Variants in PLEKHA6 observed in about 807,000 individuals in gnomAD.
PLEKHA6 encodes pleckstrin homology domain-containing family A member 6.
A neutral mutation model predicts 116.7 loss-of-function variants in PLEKHA6; 60 were observed. The ratio of observed to expected loss-of-function variants is 0.51; its 90% CI spans 0.42 to 0.64. The LOEUF is 0.64. Among genes scored for constraint, PLEKHA6 ranks in the 30% least tolerant of loss-of-function variants. The pLI, the probability that PLEKHA6 is intolerant of heterozygous loss-of-function variation, is 0.00. For synonymous variants in PLEKHA6, 489 were observed against 556.1 expected, an observed-to-expected ratio of 0.88 and a Z score of 1.70; for missense variants, 1,338 against 1,422.7, an observed-to-expected ratio of 0.94 and a Z score of 0.96.
chr1:204,227,264 C>A (rs776341942), intron 21 of PLEKHA6, among the ~76,000 whole-genome samples: 4 of 152,170 alleles, frequency 2.6e-5, no homozygotes, highest in Non-Finnish European at 4.4e-5. Flanking sequence ...TTAACTGTGG[C>A]CTTCAAAGCT....
rs1212402780 is a variant in PLEKHA6 at position 204,261,950 on chromosome 1, G to A, written c.382-502C>T. 1 of 172,074 alleles carries A rather than the reference G, an allele frequency of 5.8e-6. No individual in the cohort carries two copies. The highest frequency in any genetic ancestry group is 1.2e-5 in the Non-Finnish European group (1 of 81,278). 10.7% of individuals were successfully genotyped at this position (172,074 alleles called of 1,614,324 possible). ...AAAGCAGGCACTGGCATACAGATGG[G>A]GCACACTACCTAGTTGGTGGCTGCG... On this transcript the variant is annotated intron_variant, in intron 6 of 22. Transcript: ENST00000272203. The surrounding 1 kb of genome is among the most constrained non-coding windows in gnomAD (Gnocchi z 4.0).
chr1:204,375,454 G>T (rs1049869382), intron 1 of PLEKHA6, among the ~76,000 whole-genome samples: 16 of 152,070 alleles, frequency 1.1e-4, no homozygotes, highest in Admixed American at 8.5e-4. Flanking sequence ...AGCATTAGAA[G>T]AATATTCCTG....
intron 9 of PLEKHA6, among the ~76,000 whole-genome samples, chr1:204,253,216 A>T (rs776845450): frequency 6.6e-6 from 1 of 152,130 alleles, no homozygotes; most frequent in African/African-American, 2.4e-5. Context: ...CCCCTGCTTG[A>T]TTCTCCCAAT....
At chr1:204,347,130 C>T in intron 1 of PLEKHA6, 1 of 1,125,138 alleles carries the variant, frequency 8.9e-7, no homozygotes, top group South Asian at 1.2e-5. Flanking sequence ...TACCCATTCC[C>T]TTGATGTCTA....
intron 1 of PLEKHA6, among the ~76,000 whole-genome samples, chr1:204,296,885 A>C (rs1018183666): frequency 6.6e-6 from 1 of 152,172 alleles, no homozygotes; most frequent in Non-Finnish European, 1.5e-5. Context: ...GAGAGCGTGG[A>C]CGGAAATGAG....
chr1:204,353,641 A>G (rs1251535714), intron 1 of PLEKHA6, among the ~76,000 whole-genome samples: 1 of 152,050 alleles, frequency 6.6e-6, no homozygotes, highest in East Asian at 1.9e-4. Context: ...TTATATTCAC[A>G]CCTACTTCCT....
chr1:204,272,331 C>T (rs1374452071), intron 3 of PLEKHA6, among the ~76,000 whole-genome samples: 1 of 152,126 alleles, frequency 6.6e-6, no homozygotes, highest in Non-Finnish European at 1.5e-5. Context: ...AGAAACGTGA[C>T]TTACTGGCTG....
At chr1:204,276,251 C>G (rs1489413577) in intron 1 of PLEKHA6, among the ~76,000 whole-genome samples, 2 of 152,190 alleles carry the variant, frequency 1.3e-5, no homozygotes. Context: ...CCCAGGCTTG[C>G]CAGCCAGGAC....
chr1:204,290,316 G>C (rs1030460420), intron 1 of PLEKHA6, among the ~76,000 whole-genome samples: 1 of 152,102 alleles, frequency 6.6e-6, no homozygotes. Context: ...ACAATGTAGT[G>C]TTGGCATAAA....
intron 1 of PLEKHA6, among the ~76,000 whole-genome samples, chr1:204,296,434 A>C (rs1572110978): frequency 6.6e-6 from 1 of 151,362 alleles, no homozygotes; most frequent in African/African-American, 2.4e-5. Context: ...GCCTTCCCCT[A>C]CCCTCCTCCA....
chr1:204,301,367 G>T, intron 1 of PLEKHA6: 1 of 971,758 alleles, frequency 1.0e-6, no homozygotes, highest in Non-Finnish European at 1.2e-6. Flanking sequence ...CAGGGGAGAG[G>T]ATTCAAAGAA....
intron 1 of PLEKHA6, chr1:204,275,014 TG>T: frequency 1.2e-6 from 1 of 861,380 alleles, no homozygotes; most frequent in Non-Finnish European, 1.4e-6. Context: ...AGATGAAGCC[TG>T]GTCACCTCCC....
At chr1:204,367,639 C>A (rs1165896109) in intron 3 of PLEKHA6, among the ~76,000 whole-genome samples, 1 of 152,194 alleles carries the variant, frequency 6.6e-6, no homozygotes, top group East Asian at 1.9e-4. Flanking sequence ...CATACGTTCC[C>A]ATCTCTATCT....
chr1:204,305,265 G>A (rs952660540), intron 1 of PLEKHA6, among the ~76,000 whole-genome samples: 4 of 152,146 alleles, frequency 2.6e-5, no homozygotes, highest in African/African-American at 9.7e-5. Flanking sequence ...CAGAAAGTAT[G>A]GGGGATGAAC....
In PLEKHA6 at chr1:204,257,318, G is replaced by A. The variant is rs1250729550; in HGVS notation, c.1524+35C>T. ...TGGTCTTAGGCTTCTGGGGACCTCAGGGGATGAGGAAGGAAGGGCAGGCTG... is the reference window on the plus strand; with the variant it reads ...TGGTCTTAGGCTTCTGGGGACCTCAAGGGATGAGGAAGGAAGGGCAGGCTG... On this transcript the variant is annotated intron_variant, in intron 9 of 22. Coordinates refer to ENST00000272203, the MANE Select transcript of PLEKHA6 (RefSeq NM_014935.5). The surrounding 1 kb of genome is among the most constrained non-coding windows in gnomAD (Gnocchi z 6.5). 1 of 1,544,868 alleles carries A rather than the reference G, an allele frequency of 6.5e-7. No individual in the cohort carries two copies. Among genetic ancestry groups the A allele is most frequent in the Non-Finnish European group, 8.8e-7 (1 of 1,140,522 alleles).
chr1:204,330,047 T>A (rs1434808771), intron 1 of PLEKHA6, among the ~76,000 whole-genome samples: 3 of 152,160 alleles, frequency 2.0e-5, no homozygotes, highest in South Asian at 2.1e-4. Context: ...AAAATATATA[T>A]ATAATCAGGG....
chr1:204,307,454 A>C (rs1296808104), intron 1 of PLEKHA6: 2 of 152,262 alleles, frequency 1.3e-5, no homozygotes, highest in African/African-American at 4.8e-5. Context: ...TGCCCATGAG[A>C]AGGAAGGAGA....
At chr1:204,274,945 TC>T in intron 1 of PLEKHA6, 136 bp from the exon 2 acceptor site, 1 of 882,740 alleles carries the variant, frequency 1.1e-6, no homozygotes, top group Non-Finnish European at 1.3e-6. Context: ...TCCAGGGGGA[TC>T]CATGGGAGGC....
chr1:204,331,827 G>C (rs1016081309), intron 1 of PLEKHA6, among the ~76,000 whole-genome samples: 1 of 142,986 alleles, frequency 7.0e-6, no homozygotes, highest in African/African-American at 2.6e-5. Flanking sequence ...TGTCCCCCCC[G>C]GGTCCCAAAG....
Sources: allele counts gnomAD v4.1 joint callset (sites outside exome capture counted in the v4.1 genomes callset), GRCh38; gene constraint gnomAD v4.1.1; non-coding constraint Gnocchi (gnomAD v3.1); transcripts MANE v1.5; gene names NCBI Gene and HGNC (gene_info 2026-07-23, HGNC 2026-07-21).